Variants in ZNF623 observed in about 807,000 individuals in gnomAD.
ZNF623 encodes the protein zinc finger protein 623.
A neutral mutation model predicts 24.0 loss-of-function variants in ZNF623; 16 were observed. The observed-to-expected ratio is 0.67, with a 90% CI of 0.45 to 1.01. The LOEUF is 1.01. Ranked by LOEUF, ZNF623 falls within the 50% of genes least tolerant of loss-of-function variation. ZNF623 has a pLI of 0.00. For synonymous variants in ZNF623, 224 were observed against 219.8 expected (o/e 1.02, Z -0.17); for missense variants, 566 against 606.5 (o/e 0.93, Z 0.70).
intron 1 of ZNF623, among the ~76,000 whole-genome samples, chr8:143,642,532 C>T (rs1162811921): frequency 1.3e-5 from 2 of 152,284 alleles, no homozygotes; most frequent in East Asian, 1.9e-4. Flanking sequence ...GCAAGAGGCC[C>T]GGCTTTCTGA....
intron 1 of ZNF623, among the ~76,000 whole-genome samples, chr8:143,640,373 G>T (rs930125209): frequency 6.6e-6 from 1 of 152,210 alleles, no homozygotes; most frequent in Non-Finnish European, 1.5e-5. Flanking sequence ...GTGACTGGCA[G>T]TTTCTTAAAA....
chr8:143,642,180 T>G (rs966753982), intron 1 of ZNF623, among the ~76,000 whole-genome samples: 4 of 152,258 alleles, frequency 2.6e-5, no homozygotes, highest in Non-Finnish European at 4.4e-5. Flanking sequence ...CCCGTAAAGC[T>G]TGCAGCTTCA....
rs1326568508 is a variant in ZNF623 at position 143,652,056 on chromosome 8, T to C, written c.*573T>C. 6.0e-6 allele frequency: 1 copy of C among 167,712 alleles called. No homozygotes were observed. The highest frequency in any genetic ancestry group is 1.5e-5 in the Non-Finnish European group (1 of 68,412). 10.4% of individuals were successfully genotyped at this position (167,712 alleles called of 1,614,324 possible). A position where few individuals can be genotyped will look rare whatever the true frequency, so the allele number is the denominator to read the frequency against. ...AACACCGACTGCTTCATCTTCCCTG[T>C]GCTCCACGTGGCTTCCTACCTCTCT... On this transcript the variant is annotated 3_prime_UTR_variant, in exon 2 of 2. Transcript: ENST00000526926.
Position 143,651,564 on chromosome 8 carries a change from G to A in ZNF623, c.*81G>A, listed in dbSNP as rs1815322831. On this transcript the variant is annotated 3_prime_UTR_variant, in exon 2 of 2. Transcript: ENST00000526926. ...CATGTGGTTTCTAAGATTTGGACATGTCAGAATTTTGTGAGTCATGGATGG... is the reference window on the plus strand; with the variant it reads ...CATGTGGTTTCTAAGATTTGGACATATCAGAATTTTGTGAGTCATGGATGG... The A allele has an allele frequency of 6.0e-6, 9 of 1,493,294 alleles. No homozygotes were observed. The highest frequency in any genetic ancestry group is 2.8e-5 in the African/African-American group (2 of 71,070). 92.5% of individuals were successfully genotyped at this position (1,493,294 alleles called of 1,614,324 possible).
At position 143,653,729 on chromosome 8, in the gene ZNF623, C is replaced by G. The variant is rs1361165392; in HGVS notation, c.*2246C>G. On this transcript the variant is annotated 3_prime_UTR_variant, in exon 2 of 2. Coordinates refer to ENST00000526926, the MANE Select transcript of ZNF623 (RefSeq NM_001261843.2). ...TGGCATGTTTTTAGACTCATCCAAG[C>G]TGTTTTGTGTTTCAGTAGTTCTCCT... The G allele has an allele frequency of 6.0e-6, 1 of 167,058 alleles. No homozygotes were observed. The highest frequency in any genetic ancestry group is 1.5e-5 in the Non-Finnish European group (1 of 68,124). The allele number at this position is 167,058 out of a possible 1,614,324, so 10.3% of individuals were successfully genotyped here. A position where few individuals can be genotyped will look rare whatever the true frequency, so the allele number is the denominator to read the frequency against.
At position 143,650,037 on chromosome 8, in the gene ZNF623, A is replaced by G; in HGVS notation, c.45A>G (p.Arg15=). The G allele has an allele frequency of 6.2e-7, 1 of 1,614,156 alleles. No individual in the cohort carries two copies. The highest frequency in any genetic ancestry group is 8.5e-7 in the Non-Finnish European group (1 of 1,180,016). ...SPESEEVHEP[R]LGELLGNPEG... is the part of the protein sequence containing the mutation. ...AGTCTGAGGAAGTCCACGAGCCCAG[A>G]TTAGGGGAGCTCTTGGGAAATCCAG... is the stretch of plus-strand genomic sequence containing the variant. The change falls in exon 2 of 2, where the codon AGA becomes AGG. Residue 15 remains arginine (R), a synonymous_variant. Coordinates refer to ENST00000526926, the MANE Select transcript of ZNF623 (RefSeq NM_001261843.2). This position sits in a 1 kb window ranked among gnomAD's most constrained non-coding sequence, Gnocchi z 5.2.
intron 1 of ZNF623, among the ~76,000 whole-genome samples, chr8:143,645,215 G>T (rs918861984): frequency 6.6e-6 from 1 of 152,112 alleles, no homozygotes; most frequent in Admixed American, 6.5e-5. Flanking sequence ...AGGCCAAGGC[G>T]GGCGGATCAC....
chr8:143,651,618 C>A lies in ZNF623; in HGVS notation c.*135C>A. ...TGCTTTTGCAGTGGGTGCCACCTGC[C>A]ACTGTGCAGCCCTACTCGGCTCAGC... On this transcript the variant is annotated 3_prime_UTR_variant, in exon 2 of 2. Transcript: ENST00000526926. 1 of 983,730 alleles carries A rather than the reference C, an allele frequency of 1.0e-6. No individual in the cohort carries two copies. Among genetic ancestry groups the A allele is most frequent in the Non-Finnish European group, 1.5e-6 (1 of 668,216 alleles). The allele number at this position is 983,730 out of a possible 1,614,324, so 60.9% of individuals were successfully genotyped here. A position where few individuals can be genotyped will look rare whatever the true frequency, so the allele number is the denominator to read the frequency against.
In ZNF623 at chr8:143,650,939, T is replaced by G; in HGVS notation, c.947T>G (p.Phe316Cys). The G allele has an allele frequency of 6.2e-7, 1 of 1,614,026 alleles. No individual in the cohort carries two copies. The highest frequency in any genetic ancestry group is 8.5e-7 in the Non-Finnish European group (1 of 1,180,026). ...GTATGCAATGAGTGTGGGAAGCGCT[T>G]CAGCCAGACGTCAAACTTCACCCAG... ...PYVCNECGKR[F>C]SQTSNFTQHQ... Residue 316 changes from phenylalanine (F) to cysteine (C), a missense_variant, in exon 2 of 2, where the codon TTC (phenylalanine) becomes TGC (cysteine). By Grantham distance (205) the Phe-to-Cys change is radical. This residue lies in a region of ZNF623 where 117 missense variants were observed against 174.2 expected (regional missense o/e 0.67). Transcript: ENST00000526926. The surrounding 1 kb of genome is among the most constrained non-coding windows in gnomAD (Gnocchi z 5.2).
intron 1 of ZNF623, among the ~76,000 whole-genome samples, chr8:143,641,264 G>A (rs974050519): frequency 6.6e-6 from 1 of 152,168 alleles, no homozygotes; most frequent in African/African-American, 2.4e-5. Context: ...TCCATCAGAG[G>A]AATCATTATG....
chr8:143,639,160 G>A (rs1023461884), intron 1 of ZNF623, among the ~76,000 whole-genome samples: 1 of 151,578 alleles, frequency 6.6e-6, no homozygotes, highest in African/African-American at 2.4e-5. Context: ...CCAAAGTGCT[G>A]GGATTACAGG....
chr8:143,651,772 G>A lies in ZNF623; in HGVS notation c.*289G>A, dbSNP rs529202395. On this transcript the variant is annotated 3_prime_UTR_variant, in exon 2 of 2. Coordinates refer to ENST00000526926, the MANE Select transcript of ZNF623 (RefSeq NM_001261843.2). ...AGGTTTTTAAGAAGTTTCATCCCCA[G>A]TTAAGCAGAGTCCATCCTTGACTTA... The A allele has an allele frequency of 2.6e-6, 1 of 380,928 alleles. No individual in the cohort carries two copies. The highest frequency in any genetic ancestry group is 2.1e-5 in the African/African-American group (1 of 47,928). 23.6% of individuals were successfully genotyped at this position (380,928 alleles called of 1,614,324 possible).
intron 1 of ZNF623, among the ~76,000 whole-genome samples, chr8:143,637,229 C>A (rs1814945689): frequency 6.6e-6 from 1 of 152,204 alleles, no homozygotes; most frequent in Non-Finnish European, 1.5e-5. Context: ...CCAGTAGGCC[C>A]CTTGGTGTGG....
In ZNF623 at chr8:143,650,411, T is replaced by A; in HGVS notation, c.419T>A (p.Val140Asp). Reference sequence around the variant, plus strand: ...ATTCACACTGGAGAGAGACTCTACGTCTGTAATGTGTGTGGGAAAGACTTC... The same window carrying A: ...ATTCACACTGGAGAGAGACTCTACGACTGTAATGTGTGTGGGAAAGACTTC... ...QRIHTGERLY[V>D]CNVCGKDFIH... is the part of the protein sequence containing the mutation. The change falls in exon 2 of 2, where the codon GTC becomes GAC. Residue 140 changes from valine (V) to aspartate (D), a missense_variant. Val to Asp is a radical substitution (Grantham distance 152, BLOSUM62 -3). Transcript: ENST00000526926. This position sits in a 1 kb window ranked among gnomAD's most constrained non-coding sequence, Gnocchi z 5.2. 1 of 1,613,020 alleles carries A rather than the reference T, an allele frequency of 6.2e-7. No individual in the cohort carries two copies. The highest frequency in any genetic ancestry group is 8.5e-7 in the Non-Finnish European group (1 of 1,179,660).
At position 143,650,718 on chromosome 8, in the gene ZNF623, T is replaced by G. The variant is rs747138165; in HGVS notation, c.726T>G (p.Tyr242Ter). The change falls in exon 2 of 2, where the codon TAT (tyrosine) becomes TAG (stop). Residue 242 changes from tyrosine (Y) to a stop codon, truncating the protein, a stop_gained. Coordinates refer to ENST00000526926, the MANE Select transcript of ZNF623 (RefSeq NM_001261843.2). LOFTEE classifies it high-confidence loss of function. This position sits in a 1 kb window ranked among gnomAD's most constrained non-coding sequence, Gnocchi z 5.2. The part of the protein sequence containing the change: ...FIRSSSLIRH[Y>*]QIHTEVKQYE... The stretch of plus-strand genomic sequence containing the variant: ...GGAGCTCGAGCCTCATTCGCCATTA[T>G]CAGATCCACACAGAAGTGAAACAGT... The G allele has an allele frequency of 6.2e-7, 1 of 1,613,438 alleles. No homozygotes were observed. The highest frequency in any genetic ancestry group is 8.5e-7 in the Non-Finnish European group (1 of 1,179,850).
At chr8:143,639,873 C>T (rs1563696861) in intron 1 of ZNF623, among the ~76,000 whole-genome samples, 2 of 152,184 alleles carry the variant, frequency 1.3e-5, no homozygotes, top group Non-Finnish European at 1.5e-5. Context: ...AGAGAGTGGA[C>T]AGCACGCACA....
chr8:143,640,264 G>A (rs1815020587), intron 1 of ZNF623, among the ~76,000 whole-genome samples: 1 of 152,202 alleles, frequency 6.6e-6, no homozygotes, highest in Admixed American at 6.5e-5. Flanking sequence ...GCTAAAAGAT[G>A]ATCATCTGAG....
At chr8:143,643,562 G>A (rs1461969428) in intron 1 of ZNF623, among the ~76,000 whole-genome samples, 2 of 152,214 alleles carry the variant, frequency 1.3e-5, no homozygotes, top group Admixed American at 6.5e-5. Flanking sequence ...CAGTGCCTGC[G>A]TGAGGTCGCA....
At chr8:143,647,091 G>A (rs1434524897) in intron 1 of ZNF623, among the ~76,000 whole-genome samples, 1 of 152,024 alleles carries the variant, frequency 6.6e-6, no homozygotes, top group African/African-American at 2.4e-5. Context: ...GGTCAGAACT[G>A]TGCAGAGAAA....
Sources: allele counts gnomAD v4.1 joint callset (sites outside exome capture counted in the v4.1 genomes callset), GRCh38; gene constraint gnomAD v4.1.1; regional missense constraint gnomAD v4.1.1; non-coding constraint Gnocchi (gnomAD v3.1); transcripts MANE v1.5; gene names NCBI Gene and HGNC (gene_info 2026-07-23, HGNC 2026-07-21).